The following PNPLA4 variants were observed in gnomAD, a reference collection of about 807,000 sequenced individuals.
The protein encoded by PNPLA4 is patatin-like phospholipase domain-containing protein 4.
Under a neutral mutation model 18.3 loss-of-function variants are expected in PNPLA4, and 15 were observed. The observed-to-expected ratio is 0.82, with a 90% confidence interval of 0.55 to 1.26. The LOEUF is 1.26. Ranked by LOEUF, PNPLA4 falls within the 50% of genes most tolerant of loss-of-function variation. The pLI, the probability that PNPLA4 is intolerant of heterozygous loss-of-function variation, is 0.00. For synonymous variants in PNPLA4, 88 were observed against 85.6 expected (o/e 1.03, Z -0.16); for missense variants, 229 against 196.8 (o/e 1.16, Z -0.98).
rs750626423 is a variant in PNPLA4, at chrX:7,912,119, C to A, written c.412-26G>T. ...CTAGATGGATAAAATAAAGAAGCAGCTCATGATTACAGGCATGAACATTCA... is the reference window on the plus strand; with the variant it reads ...CTAGATGGATAAAATAAAGAAGCAGATCATGATTACAGGCATGAACATTCA... On this transcript the variant is annotated intron_variant, in intron 4 of 6. Transcript: ENST00000381042. The A allele has an allele frequency of 1.5e-5, 16 of 1,101,945 alleles. No individual in the cohort carries two copies. The Admixed American group carries it at 3.5e-4, about 24-fold the overall frequency. The allele number at this position is 1,101,945 out of a possible 1,213,427, so 90.8% of individuals were successfully genotyped here.
At chrX:7,902,268 T>G in intron 5 of PNPLA4, 127 bp from the exon 6 acceptor site, 2 of 600,824 alleles carry the variant, frequency 3.3e-6, no homozygotes, top group Non-Finnish European at 5.0e-6. Flanking sequence ...CTAATCCCAT[T>G]GGGGATCTGT....
rs959631006 is a variant in PNPLA4 at position 7,898,559 on chromosome X, G to A, written c.*2127C>T. ...CAGGAGAATTTGGTGCACCAGCCCC[G>A]GAGAGCGCCTAGTGTGCACCAAGTA... On this transcript the variant is annotated 3_prime_UTR_variant, in exon 7 of 7. Coordinates refer to ENST00000381042, the MANE Select transcript of PNPLA4 (RefSeq NM_004650.3). The A allele has an allele frequency of 9.0e-6, 1 of 111,655 alleles. No individual in the cohort carries two copies. Among genetic ancestry groups the A allele is most frequent in the African/African-American group, 3.3e-5 (1 of 30,694 alleles). 9.2% of individuals were successfully genotyped at this position (111,655 alleles called of 1,213,427 possible). A position where few individuals can be genotyped will look rare whatever the true frequency, so the allele number is the denominator to read the frequency against.
intron 1 of PNPLA4, among the ~76,000 whole-genome samples, 191 bp downstream of exon 1, chrX:7,927,095 G>A (rs1924445670): frequency 8.8e-6 from 1 of 113,198 alleles, no homozygotes; most frequent in African/African-American, 3.2e-5. Flanking sequence ...TCGATCCGGG[G>A]TCAAGCCCCA....
At chrX:7,926,413 G>T (rs1924409444) in intron 1 of PNPLA4, among the ~76,000 whole-genome samples, 1 of 112,184 alleles carries the variant, frequency 8.9e-6, no homozygotes, top group Non-Finnish European at 1.9e-5. Flanking sequence ...TAATTACTTG[G>T]CAGGAAACAG....
At chrX:7,910,199 A>G (rs1222200125) in intron 5 of PNPLA4, among the ~76,000 whole-genome samples, 1 of 112,036 alleles carries the variant, frequency 8.9e-6, no homozygotes, top group Non-Finnish European at 1.9e-5. Context: ...TACATTCTCC[A>G]TATTACCTGA....
chrX:7,916,615 G>A (rs766000117), intron 4 of PNPLA4, among the ~76,000 whole-genome samples: 1 of 111,687 alleles, frequency 9.0e-6, no homozygotes, highest in Non-Finnish European at 1.9e-5. Flanking sequence ...CCAAGAAGTT[G>A]AGACTCGCCA....
chrX:7,909,579 A>G (rs975021973), intron 5 of PNPLA4, among the ~76,000 whole-genome samples: 35 of 109,447 alleles, frequency 3.2e-4, no homozygotes, highest in Non-Finnish European at 5.3e-4. Context: ...AAAAAGTTTT[A>G]CTTCTTTTTT....
At chrX:7,905,331 T>A (rs754360194) in intron 5 of PNPLA4, among the ~76,000 whole-genome samples, 1 of 112,389 alleles carries the variant, frequency 8.9e-6, no homozygotes, top group Non-Finnish European at 1.9e-5. Context: ...TGGGTAGCTA[T>A]TGAGAACATG....
Position 7,899,547 on chromosome X carries a change from T to C in PNPLA4, c.*1139A>G, listed in dbSNP as rs1192000238. 1 of 108,573 alleles carries C rather than the reference T, an allele frequency of 9.2e-6. No individual in the cohort carries two copies. Among genetic ancestry groups the C allele is most frequent in the Non-Finnish European group, 1.9e-5 (1 of 52,429 alleles). 8.9% of individuals were successfully genotyped at this position (108,573 alleles called of 1,213,427 possible). ...AGGCTACTTGGTTCTTTGTGTTTAG[T>C]AGTATTTTATCTATTTAAGTTCCCA... On this transcript the variant is annotated 3_prime_UTR_variant, in exon 7 of 7. Coordinates refer to ENST00000381042, the MANE Select transcript of PNPLA4 (RefSeq NM_004650.3).
chrX:7,916,508 T>A (rs1024777466), intron 4 of PNPLA4, among the ~76,000 whole-genome samples: 1 of 111,067 alleles, frequency 9.0e-6, no homozygotes, highest in East Asian at 2.8e-4. Context: ...ACCATGCACA[T>A]CTGGTGTGTA....
chrX:7,922,606 G>A (rs147170064), intron 2 of PNPLA4, among the ~76,000 whole-genome samples: 2,102 of 111,898 alleles, frequency 0.019, 52 homozygotes, highest in African/African-American at 0.065. Flanking sequence ...GTCTTTCAGG[G>A]ATGCTCATGT....
intron 2 of PNPLA4, among the ~76,000 whole-genome samples, chrX:7,925,334 TCA>T (rs1159337089): frequency 8.9e-6 from 1 of 112,517 alleles, no homozygotes; most frequent in Non-Finnish European, 1.9e-5. Flanking sequence ...AATCCAGCTC[TCA>T]CAGTCAGCAA....
intron 4 of PNPLA4, among the ~76,000 whole-genome samples, chrX:7,916,171 T>C (rs1423898813): frequency 8.9e-6 from 1 of 112,167 alleles, no homozygotes; most frequent in African/African-American, 3.2e-5. Flanking sequence ...ATTGCACTGT[T>C]AATTTATGCA....
At chrX:7,923,140 T>A (rs1199694095) in intron 2 of PNPLA4, among the ~76,000 whole-genome samples, 13 of 112,324 alleles carry the variant, frequency 1.2e-4, no homozygotes, top group African/African-American at 4.2e-4. Flanking sequence ...CACATTCTAG[T>A]CCCTGGAACC....
rs1601641909 is a variant in PNPLA4, at chrX:7,900,833, C to A, written c.631-16G>T. The A allele has an allele frequency of 8.5e-7, 1 of 1,179,548 alleles. No individual in the cohort carries two copies. The highest frequency in any genetic ancestry group is 1.1e-6 in the Non-Finnish European group (1 of 874,702). On this transcript the variant is annotated splice_polypyrimidine_tract_variant and intron_variant, in intron 6 of 6. Transcript: ENST00000381042. ...CCAGGGACAACTAGAATAAAAAGACCAAAATTTAAGCTGTAGGATATTGCA... is the reference window on the plus strand; with the variant it reads ...CCAGGGACAACTAGAATAAAAAGACAAAAATTTAAGCTGTAGGATATTGCA...
intron 5 of PNPLA4, among the ~76,000 whole-genome samples, chrX:7,903,384 C>A (rs1289002942): frequency 9.1e-6 from 1 of 110,226 alleles, no homozygotes; most frequent in East Asian, 2.8e-4. Flanking sequence ...ACTGCAAGCT[C>A]CGCCTCCCAG....
chrX:7,904,433 A>AC (rs1397017455), intron 5 of PNPLA4, among the ~76,000 whole-genome samples: 2 of 112,096 alleles, frequency 1.8e-5, no homozygotes, highest in Non-Finnish European at 3.8e-5. Flanking sequence ...TCACTTGATT[A>AC]AACTTGCAAT....
intron 5 of PNPLA4, among the ~76,000 whole-genome samples, chrX:7,906,763 T>C (rs1431454478): frequency 8.9e-6 from 1 of 111,944 alleles, no homozygotes; most frequent in Non-Finnish European, 1.9e-5. Context: ...GACCACAGTA[T>C]CAACCTCATA....
intron 4 of PNPLA4, among the ~76,000 whole-genome samples, chrX:7,918,607 C>A (rs2146763998): frequency 9.0e-6 from 1 of 111,136 alleles, no homozygotes; most frequent in South Asian, 3.9e-4. Flanking sequence ...AGACCCACAG[C>A]TACCCATCAT....
Sources: gnomAD v4.1 joint callset for allele counts (sites outside exome capture counted in the v4.1 genomes callset) on GRCh38, gnomAD v4.1.1 for gene constraint, MANE v1.5 for transcripts, NCBI Gene and HGNC (gene_info 2026-07-23, HGNC 2026-07-21) for gene names.